Variants in SULF1 observed in about 807,000 individuals in gnomAD.
SULF1 encodes sulfatase 1.
In SULF1, 46 loss-of-function variants were observed where a neutral mutation model predicts 110.5. The observed-to-expected ratio is 0.42, with a 90% CI of 0.33 to 0.53. The LOEUF (loss-of-function observed/expected upper bound fraction) is 0.53, where lower values mean the gene tolerates loss of function less well. SULF1 is among the 20% of genes least tolerant of loss of function. The pLI, the probability that SULF1 is intolerant of heterozygous loss-of-function variation, is 0.12. For synonymous variants in SULF1, 371 were observed against 387.1 expected (o/e 0.96, Z 0.49); for missense variants, 941 against 1,094.2 (o/e 0.86, Z 1.98).
At chr8:69,651,053 T>C (rs1375613825) in intron 22 of SULF1, among the ~76,000 whole-genome samples, 1 of 135,332 alleles carries the variant, frequency 7.4e-6, no homozygotes, top group Non-Finnish European at 1.5e-5. Flanking sequence ...TTTTTTTTCT[T>C]TTCTTTTTTT....
At chr8:69,565,464 A>G (rs1025659041) in intron 5 of SULF1, among the ~76,000 whole-genome samples, 10 of 152,234 alleles carry the variant, frequency 6.6e-5, no homozygotes, top group South Asian at 2.1e-4. Flanking sequence ...GAGGATTGCA[A>G]TGTTAAACAT....
intron 1 of SULF1, among the ~76,000 whole-genome samples, chr8:69,484,857 C>CTTCTTCTTCTTCTTCTTCTT (rs1160167129): frequency 1.6e-4 from 24 of 145,458 alleles, no homozygotes; most frequent in Non-Finnish European, 1.7e-4. Flanking sequence ...TCTTCTTCTT[C>CTTCTTCTTCTTCTTCTTCTT]TTCTTTTCTT....
At chr8:69,478,067 T>C (rs565690625) in intron 1 of SULF1, among the ~76,000 whole-genome samples, 1 of 152,206 alleles carries the variant, frequency 6.6e-6, no homozygotes, top group South Asian at 2.1e-4. Context: ...GTTGCCCAAC[T>C]GGTCTCAAAC....
At chr8:69,616,115 G>GTA (rs1296701313) in intron 13 of SULF1, among the ~76,000 whole-genome samples, 1 of 145,546 alleles carries the variant, frequency 6.9e-6, no homozygotes, top group African/African-American at 2.6e-5. Context: ...ATATGTGTGT[G>GTA]TATATATAAT....
intron 3 of SULF1, among the ~76,000 whole-genome samples, chr8:69,535,553 A>C (rs1024992750): frequency 3.3e-5 from 5 of 152,162 alleles, no homozygotes; most frequent in African/African-American, 1.2e-4. Context: ...CAGCTCCTGG[A>C]AAGGAAAAAG....
At chr8:69,642,137 ATCT>A (rs1811529343) in intron 22 of SULF1, 1 of 739,712 alleles carries the variant, frequency 1.4e-6, no homozygotes, top group Non-Finnish European at 1.7e-6. Context: ...CTATATTAAT[ATCT>A]TCTTTATCTA....
chr8:69,548,992 A>C (rs1287187424), intron 3 of SULF1, among the ~76,000 whole-genome samples: 1 of 152,126 alleles, frequency 6.6e-6, no homozygotes, highest in South Asian at 2.1e-4. Flanking sequence ...CTCCCAGGAG[A>C]GCGGAACTTA....
chr8:69,537,922 G>GAAAA (rs11407232), intron 3 of SULF1, among the ~76,000 whole-genome samples: 1 of 148,842 alleles, frequency 6.7e-6, no homozygotes, highest in Non-Finnish European at 1.5e-5. Context: ...ATAGAAAATT[G>GAAAA]AAAAAAAAGT....
At chr8:69,508,973 C>A (rs1344204069) in intron 3 of SULF1, among the ~76,000 whole-genome samples, 1 of 152,174 alleles carries the variant, frequency 6.6e-6, no homozygotes, top group African/African-American at 2.4e-5. Context: ...CCAAAGAACA[C>A]TGTGCTGAGA....
intron 2 of SULF1, among the ~76,000 whole-genome samples, chr8:69,496,556 A>G (rs886087070): frequency 2.6e-5 from 4 of 152,258 alleles, no homozygotes; most frequent in Non-Finnish European, 5.9e-5. Context: ...GAATAAGATG[A>G]CTGCATCATG....
chr8:69,467,331 A>G (rs759700198), intron 1 of SULF1, among the ~76,000 whole-genome samples: 6 of 152,260 alleles, frequency 3.9e-5, no homozygotes, highest in Non-Finnish European at 8.8e-5. Flanking sequence ...TGCTCAATTT[A>G]TAAAGATTCT....
intron 3 of SULF1, among the ~76,000 whole-genome samples, chr8:69,538,693 C>CTT (rs79507088): frequency 1.2e-4 from 18 of 150,970 alleles, no homozygotes; most frequent in African/African-American, 2.2e-4. Flanking sequence ...TTTCTTTTTT[C>CTT]TTTTTTTTTG....
At chr8:69,635,551 C>T (rs1435010602) in intron 19 of SULF1, among the ~76,000 whole-genome samples, 1 of 152,196 alleles carries the variant, frequency 6.6e-6, no homozygotes, top group Non-Finnish European at 1.5e-5. Flanking sequence ...TCTGATACTA[C>T]ATAGGATAGC....
chr8:69,474,737 G>A (rs1809231167), intron 1 of SULF1, among the ~76,000 whole-genome samples: 1 of 152,084 alleles, frequency 6.6e-6, no homozygotes, highest in African/African-American at 2.4e-5. Flanking sequence ...TTTATGATAT[G>A]GACCCAATAT....
intron 3 of SULF1, among the ~76,000 whole-genome samples, chr8:69,511,375 G>T (rs971272516): frequency 6.6e-6 from 1 of 152,008 alleles, no homozygotes; most frequent in African/African-American, 2.4e-5. Context: ...ACGAAAATCC[G>T]ATAAAAAGAT....
intron 22 of SULF1, chr8:69,641,270 T>C (rs889419492): frequency 3.8e-5 from 6 of 156,776 alleles, no homozygotes; most frequent in African/African-American, 1.4e-4. Context: ...ACAAAATGAC[T>C]AATGAGAATT....
intron 3 of SULF1, among the ~76,000 whole-genome samples, chr8:69,511,447 A>T (rs914310604): frequency 6.6e-6 from 1 of 152,196 alleles, no homozygotes; most frequent in African/African-American, 2.4e-5. Context: ...CTGGCTGGAT[A>T]TTTTTACTCT....
chr8:69,486,314 G>A (rs1021708099), intron 1 of SULF1, among the ~76,000 whole-genome samples: 1 of 112,212 alleles, frequency 8.9e-6, no homozygotes, highest in African/African-American at 5.3e-5. Flanking sequence ...AAGAAACCAG[G>A]CTTTTTTTAA....
intron 5 of SULF1, among the ~76,000 whole-genome samples, chr8:69,566,512 G>A (rs948817824): frequency 6.6e-6 from 1 of 152,128 alleles, no homozygotes; most frequent in Admixed American, 6.5e-5. Flanking sequence ...CTACATATTT[G>A]CCTTTAACTC....
Sources: gnomAD v4.1 joint callset for allele counts (sites outside exome capture counted in the v4.1 genomes callset) on GRCh38, gnomAD v4.1.1 for gene constraint, MANE v1.5 for transcripts, NCBI Gene and HGNC (gene_info 2026-07-23, HGNC 2026-07-21) for gene names.